The following ZNF385D variants were observed in gnomAD, a reference collection of about 807,000 sequenced individuals.
ZNF385D encodes the protein zinc finger protein 385D, also known as zinc finger protein 659.
A neutral mutation model predicts 35.8 loss-of-function variants in ZNF385D; 15 were observed. The ratio of observed to expected loss-of-function variants is 0.42; its 90% CI spans 0.28 to 0.64. The LOEUF (loss-of-function observed/expected upper bound fraction) is 0.64. ZNF385D is among the 30% of genes least tolerant of loss of function. ZNF385D has a pLI of 0.23. For synonymous variants in ZNF385D, 212 were observed against 186.8 expected, an observed-to-expected ratio of 1.13 and a Z score of -1.10; for missense variants, 474 against 494.6, an observed-to-expected ratio of 0.96 and a Z score of 0.39.
intron 3 of ZNF385D, among the ~76,000 whole-genome samples, chr3:22,089,685 G>A (rs1262570855): frequency 6.6e-6 from 1 of 152,118 alleles, no homozygotes; most frequent in African/African-American, 2.4e-5. Flanking sequence ...TCCAGTTCAT[G>A]ATTTTTCCTT....
intron 3 of ZNF385D, among the ~76,000 whole-genome samples, chr3:22,106,461 G>T (rs1702219004): frequency 6.6e-6 from 1 of 152,096 alleles, no homozygotes; most frequent in Non-Finnish European, 1.5e-5. Flanking sequence ...TGACTGGGCA[G>T]CCTTTTAGGA....
chr3:22,296,906 G>A (rs1283196073), intron 2 of ZNF385D, among the ~76,000 whole-genome samples: 1 of 152,062 alleles, frequency 6.6e-6, no homozygotes, highest in Non-Finnish European at 1.5e-5. Flanking sequence ...GACTTAAGGA[G>A]AAGAGATTAT....
chr3:21,583,962 A>ATTTAT (rs1260300625), intron 2 of ZNF385D, among the ~76,000 whole-genome samples: 9 of 100,948 alleles, frequency 8.9e-5, no homozygotes, highest in African/African-American at 4.1e-4. Flanking sequence ...TTATTTACTT[A>ATTTAT]TTTATTTATT....
At chr3:22,224,541 G>A (rs180920777) in intron 2 of ZNF385D, among the ~76,000 whole-genome samples, 3 of 152,218 alleles carry the variant, frequency 2.0e-5, no homozygotes, top group Admixed American at 6.5e-5. Flanking sequence ...AAACTGCAGC[G>A]ACTGGCAAAG....
chr3:22,094,395 T>G (rs1701497671), intron 3 of ZNF385D, among the ~76,000 whole-genome samples: 1 of 136,314 alleles, frequency 7.3e-6, no homozygotes, highest in African/African-American at 2.8e-5. Context: ...GATATATATA[T>G]ATATATATAT....
At chr3:21,686,166 T>G (rs1163308210) in intron 1 of ZNF385D, among the ~76,000 whole-genome samples, 13 of 152,124 alleles carry the variant, frequency 8.5e-5, no homozygotes, top group Non-Finnish European at 1.5e-5. Flanking sequence ...TGTCAGATGA[T>G]TTGTTAGTTG....
intron 3 of ZNF385D, among the ~76,000 whole-genome samples, chr3:21,859,531 G>C (rs749839893): frequency 2.0e-5 from 3 of 151,896 alleles, no homozygotes; most frequent in Non-Finnish European, 4.4e-5. Context: ...GTGGAATAGA[G>C]AGTTCAGGAA....
At chr3:22,316,272 TTTGAGTA>T (rs1703879850) in intron 2 of ZNF385D, among the ~76,000 whole-genome samples, 1 of 152,222 alleles carries the variant, frequency 6.6e-6, no homozygotes, top group South Asian at 2.1e-4. Context: ...GGGAGGCAGA[TTTGAGTA>T]TTATTAAACT....
At position 21,881,937 on chromosome 3, in the gene ZNF385D, C is replaced by T. The variant is rs116712833; in HGVS notation, c.326-216909G>A. Among the ~76,000 whole-genome samples, 1,405 of 152,022 alleles carry T rather than the reference C, an allele frequency of 9.2e-3. 29 individuals are homozygous for T. The highest frequency in any genetic ancestry group is 0.032 in the African/African-American group (1,325 of 41,484). On this transcript the variant is annotated intron_variant, in intron 3 of 5. Coordinates refer to the ZNF385D transcript ENST00000494108. ...AAGAGAACTAGAATTAGAAGTGGAG[C>T]CTAAAGATGTTACTGAGTTGTTGCA...
chr3:21,796,038 G>T (rs548966258), intron 3 of ZNF385D, among the ~76,000 whole-genome samples: 37 of 152,290 alleles, frequency 2.4e-4, no homozygotes, highest in African/African-American at 8.7e-4. Flanking sequence ...GCAGAGTCCA[G>T]AAAACTCTCA....
rs1168729541 is a variant in ZNF385D, at chr3:22,348,485, T to TAAAAAAAAAAAAA, written c.106+23952_106+23964dup. ...CAACATGGAGAAACTCCATCTCTAC[T>TAAAAAAAAAAAAA]AAAAAAAAAAAAAAAAAAAAAATAC... On this transcript the variant is annotated intron_variant, in intron 2 of 5. Transcript: ENST00000494108. 5.8e-4 allele frequency among the ~76,000 whole-genome samples: 49 copies of TAAAAAAAAAAAAA among 84,862 alleles called. 1 individual carries two copies. Among genetic ancestry groups the TAAAAAAAAAAAAA allele is most frequent in the East Asian group, 2.1e-3 (6 of 2,900 alleles). The allele number at this position is 84,862 out of a possible 152,430, so 55.7% of individuals were successfully genotyped here.
intron 3 of ZNF385D, among the ~76,000 whole-genome samples, chr3:21,778,167 C>A (rs1163673359): frequency 1.3e-5 from 2 of 151,890 alleles, no homozygotes; most frequent in East Asian, 1.9e-4. Flanking sequence ...AGAAAGAAAG[C>A]CAATCAGTGC....
In ZNF385D at chr3:21,733,402, G is replaced by T. The variant is rs560974349; in HGVS notation, c.22+17493C>A. The stretch of plus-strand genomic sequence containing the variant: ...TCCACAGAAACTTTAGAATAAGCTT[G>T]TCAATGTTTGTTCATATTCTTCATC... On this transcript the variant is annotated intron_variant, in intron 1 of 7. Transcript: ENST00000281523. 7.9e-5 allele frequency among the ~76,000 whole-genome samples: 12 copies of T among 152,128 alleles called. No homozygotes were observed. In the South Asian group the frequency reaches 2.3e-3, roughly 29 times the overall value.
At chr3:21,826,477 T>G (rs564545041) in intron 3 of ZNF385D, among the ~76,000 whole-genome samples, 1 of 152,120 alleles carries the variant, frequency 6.6e-6, no homozygotes, top group South Asian at 2.1e-4. Context: ...GTGATAGAGT[T>G]GTTGATGTCT....
At chr3:22,160,948 G>C (rs542165503) in intron 3 of ZNF385D, among the ~76,000 whole-genome samples, 1 of 152,148 alleles carries the variant, frequency 6.6e-6, no homozygotes, top group South Asian at 2.1e-4. Context: ...CATCCTAAAA[G>C]TTATGCCCCT....
At position 22,326,929 on chromosome 3, in the gene ZNF385D, G is replaced by A. The variant is rs183714134; in HGVS notation, c.106+45521C>T. On this transcript the variant is annotated intron_variant, in intron 2 of 5. Coordinates refer to the ZNF385D transcript ENST00000494108. ...AAAGCAGTCAGAGTGCCAGAAAATA[G>A]GAAATCACCTCATCTTTAAATTCCT... Among the ~76,000 whole-genome samples the A allele has an allele frequency of 2.0e-5, 3 of 152,272 alleles. No individual in the cohort carries two copies. In the East Asian group the frequency reaches 5.8e-4, roughly 29 times the overall value.
intron 3 of ZNF385D, among the ~76,000 whole-genome samples, chr3:21,561,440 C>A (rs769794117): frequency 6.0e-4 from 91 of 152,286 alleles, no homozygotes; most frequent in Non-Finnish European, 5.9e-4. Flanking sequence ...AAGGTGACAC[C>A]CCACCCTGCT....
chr3:21,686,459 G>C (rs781589204), intron 1 of ZNF385D, among the ~76,000 whole-genome samples: 22 of 152,126 alleles, frequency 1.4e-4, no homozygotes, highest in Non-Finnish European at 3.1e-4. Flanking sequence ...AATATAATGT[G>C]AGCCATAGAA....
At chr3:22,367,654 C>T (rs758473508) in intron 2 of ZNF385D, among the ~76,000 whole-genome samples, 9 of 151,694 alleles carry the variant, frequency 5.9e-5, no homozygotes, top group Non-Finnish European at 1.0e-4. Flanking sequence ...GTTTAAGGAG[C>T]ACCTGAAAGA....
Sources: allele counts gnomAD v4.1 joint callset (sites outside exome capture counted in the v4.1 genomes callset), GRCh38; gene constraint gnomAD v4.1.1; transcripts MANE v1.5; gene names NCBI Gene and HGNC (gene_info 2026-07-23, HGNC 2026-07-21).